The following LRIF1 variants were observed in gnomAD, a reference collection of about 807,000 sequenced individuals.
The protein encoded by LRIF1 is ligand-dependent nuclear receptor-interacting factor 1.
LRIF1 carries 32 observed loss-of-function variants against 52.7 expected under a neutral mutation model. That is an observed-to-expected ratio of 0.61 (90% CI 0.46 to 0.82). The LOEUF is 0.82. Ranked by LOEUF, LRIF1 falls within the 40% of genes least tolerant of loss-of-function variation. The pLI is 0.00. For missense variants in LRIF1, 887 were observed against 892.0 expected, an observed-to-expected ratio of 0.99 and a Z score of 0.07; for synonymous variants, 323 against 317.4, an observed-to-expected ratio of 1.02 and a Z score of -0.19.
the LRIF1 span, among the ~76,000 whole-genome samples, chr1:110,884,755 C>G: frequency 6.6e-6 from 1 of 152,054 alleles, no homozygotes; most frequent in Non-Finnish European, 1.5e-5. Context: ...AATATAGACA[C>G]TCCAGCCTTT....
rs139356603 is a variant in LRIF1, at chr1:110,947,248, C to T, written c.*711G>A. ...ATAACTGTTCAGGATCTACTTTTTA[C>T]ACAATCTCAGTAACGTATGTACATA... On this transcript the variant is annotated 3_prime_UTR_variant, in exon 4 of 4. Coordinates refer to ENST00000369763, the MANE Select transcript of LRIF1 (RefSeq NM_018372.4). 1.3e-5 allele frequency: 2 copies of T among 151,122 alleles called. No homozygotes were observed. The highest frequency in any genetic ancestry group is 3.9e-4 in the East Asian group (2 of 5,156). 9.4% of individuals were successfully genotyped at this position (151,122 alleles called of 1,614,324 possible). A position where few individuals can be genotyped will look rare whatever the true frequency, so the allele number is the denominator to read the frequency against.
the LRIF1 span, among the ~76,000 whole-genome samples, chr1:110,898,137 G>A: frequency 1.3e-5 from 2 of 152,240 alleles, no homozygotes; most frequent in East Asian, 3.9e-4. Context: ...CAGCACTTTG[G>A]GAGGCTGAGG....
the LRIF1 span, chr1:110,897,838 T>C: frequency 6.2e-7 from 1 of 1,612,560 alleles, no homozygotes; most frequent in Non-Finnish European, 8.5e-7. Flanking sequence ...GACTGTGGTT[T>C]CATTCCAATT....
At chr1:110,927,210 G>A in the LRIF1 span, among the ~76,000 whole-genome samples, 3 of 152,084 alleles carry the variant, frequency 2.0e-5, no homozygotes, top group African/African-American at 7.2e-5. Context: ...GTATAGTTAC[G>A]TTTCAATCAG....
At chr1:110,959,736 CAAAAAAAAA>C (rs11320169) in intron 1 of LRIF1, among the ~76,000 whole-genome samples, 1 of 56,350 alleles carries the variant, frequency 1.8e-5, no homozygotes, top group Non-Finnish European at 3.3e-5. Context: ...GACTCCATCT[CAAAAAAAAA>C]AAAAAAAAAA....
In LRIF1 at chr1:110,949,924, G is replaced by C. The variant is rs774989809; in HGVS notation, c.1796C>G (p.Ser599Cys). 2.2e-5 allele frequency: 36 copies of C among 1,613,944 alleles called. No homozygotes were observed. In the Middle Eastern group the frequency reaches 4.9e-4, roughly 22 times the overall value. Reference protein sequence around the residue: ...DHLTSGEGFDSFSSLVKSGTY... With the variant: ...DHLTSGEGFDCFSSLVKSGTY... ...ACCACTCTTTACCAAACTGCTAAAG[G>C]AATCGAAACCTTCTCCAGAGGTCAA... Residue 599 changes from serine (S) to cysteine (C), a missense_variant, in exon 3 of 4, where the codon TCC becomes TGC. By Grantham distance (112) the Ser-to-Cys change is moderately radical (BLOSUM62 -1). Transcript: ENST00000369763.
chr1:110,895,740 A>T, the LRIF1 span, among the ~76,000 whole-genome samples: 1 of 152,204 alleles, frequency 6.6e-6, no homozygotes, highest in East Asian at 1.9e-4. Context: ...TTTTTATTAC[A>T]TAATTTTTAG....
Position 110,948,097 on chromosome 1 carries a change from A to C in LRIF1, c.2172T>G (p.Tyr724Ter). Reference protein sequence around the residue: ...YEQSHFFNKNYTEDIFPVTPP... With the variant: ...YEQSHFFNKN ...GTGTCACTGGGAAAATATCTTCGGT[A>C]TAATTTTTATTGAAGAAATGACTTT... The change falls in exon 4 of 4, where the codon TAT becomes TAG. Residue 724 changes from tyrosine to a stop codon, truncating the protein, a stop_gained. Transcript: ENST00000369763. LOFTEE classifies it high-confidence loss of function. The C allele has an allele frequency of 6.2e-7, 1 of 1,614,086 alleles. No individual in the cohort carries two copies. Among genetic ancestry groups the C allele is most frequent in the Non-Finnish European group, 8.5e-7 (1 of 1,179,986 alleles).
chr1:110,908,268 A>C, the LRIF1 span, among the ~76,000 whole-genome samples: 2 of 152,238 alleles, frequency 1.3e-5, no homozygotes, highest in Non-Finnish European at 2.9e-5. Context: ...AAAAGACAAT[A>C]ACTTTAAAGA....
chr1:110,939,977 G>T, the LRIF1 span: 2 of 151,986 alleles, frequency 1.3e-5, no homozygotes, highest in Admixed American at 1.3e-4. Context: ...AAGCAAAAAC[G>T]GACAAATGGG....
chr1:110,955,142 C>G (rs1658643780), intron 1 of LRIF1, among the ~76,000 whole-genome samples: 1 of 152,174 alleles, frequency 6.6e-6, no homozygotes, highest in African/African-American at 2.4e-5. Context: ...CTAATCCCCC[C>G]AAGTTCCATC....
At chr1:110,898,639 G>T in the LRIF1 span, among the ~76,000 whole-genome samples, 1 of 151,904 alleles carries the variant, frequency 6.6e-6, no homozygotes, top group African/African-American at 2.4e-5. Context: ...GGTGAATTGA[G>T]GGTAGTTTTT....
the LRIF1 span, chr1:110,940,967 C>T: frequency 6.6e-6 from 1 of 151,996 alleles, no homozygotes; most frequent in Admixed American, 6.5e-5. Context: ...TTTAAAATAA[C>T]TAGAAGAGTG....
chr1:110,948,505 A>G, intron 3 of LRIF1, 106 bp from the exon 4 acceptor site: 2 of 1,436,380 alleles, frequency 1.4e-6, no homozygotes, highest in Non-Finnish European at 1.8e-6. Flanking sequence ...TCTAGCTATT[A>G]CAATTAACAA....
chr1:110,931,100 CATTAGGT>C, the LRIF1 span, among the ~76,000 whole-genome samples: 1 of 152,076 alleles, frequency 6.6e-6, no homozygotes, highest in Non-Finnish European at 1.5e-5. Context: ...TCGTCATTTA[CATTAGGT>C]ATTTCTCCTA....
At chr1:110,906,890 C>T in the LRIF1 span, among the ~76,000 whole-genome samples, 1,298 of 152,198 alleles carry the variant, frequency 8.5e-3, 19 homozygotes, top group African/African-American at 0.029. Flanking sequence ...GAAAAAACAC[C>T]AAGTTGGAGA....
chr1:110,891,728 C>T, the LRIF1 span, among the ~76,000 whole-genome samples: 6 of 152,186 alleles, frequency 3.9e-5, no homozygotes, highest in African/African-American at 1.2e-4. Context: ...TACTACTACT[C>T]GTAGCTAACA....
the LRIF1 span, among the ~76,000 whole-genome samples, chr1:110,904,535 C>A: frequency 3.3e-5 from 5 of 152,142 alleles, no homozygotes; most frequent in Non-Finnish European, 5.9e-5. Flanking sequence ...TTATCCAAGA[C>A]CATCAAAGTA....
At chr1:110,958,832 T>C (rs1658827349) in intron 1 of LRIF1, among the ~76,000 whole-genome samples, 2 of 152,196 alleles carry the variant, frequency 1.3e-5, no homozygotes, top group African/African-American at 4.8e-5. Context: ...TAATGTTAGC[T>C]GAATTGAATC....
Sources: allele counts gnomAD v4.1 joint callset (sites outside exome capture counted in the v4.1 genomes callset), GRCh38; gene constraint gnomAD v4.1.1; transcripts MANE v1.5; gene names NCBI Gene and HGNC (gene_info 2026-07-23, HGNC 2026-07-21).